The following CAMK2D variants were observed in gnomAD, a reference collection of about 807,000 sequenced individuals.
CAMK2D encodes calcium/calmodulin dependent protein kinase II delta.
In CAMK2D, 37 loss-of-function variants were observed where a neutral mutation model predicts 84.0. That is an observed-to-expected ratio of 0.44 (90% CI 0.34 to 0.58). The LOEUF (loss-of-function observed/expected upper bound fraction) is 0.58. CAMK2D is among the 20% of genes least tolerant of loss of function. The pLI is 0.02. For synonymous variants in CAMK2D, 202 were observed against 212.5 expected (o/e 0.95, Z 0.43); for missense variants, 448 against 652.5 (o/e 0.69, Z 3.41).
At position 113,619,011 on chromosome 4, in the gene CAMK2D, G is replaced by A. The variant is rs565392131; in HGVS notation, c.221-9805C>T. ...GAATGTCAGACATCTCAAACGTGTG[G>A]TGCATTTGCTTGTTTCACTTATCTC... On this transcript the variant is annotated intron_variant, in intron 3 of 20. Transcript: ENST00000511664. 2.0e-5 allele frequency among the ~76,000 whole-genome samples: 3 copies of A among 152,196 alleles called. No homozygotes were observed. The South Asian group carries it at 6.2e-4, about 32-fold the overall frequency.
chr4:113,480,927 A>G (rs897435619), intron 16 of CAMK2D, among the ~76,000 whole-genome samples: 7 of 152,314 alleles, frequency 4.6e-5, no homozygotes, highest in Middle Eastern at 3.4e-3. Flanking sequence ...CCATTTTTAA[A>G]GCAGAGAGCA....
intron 4 of CAMK2D, among the ~76,000 whole-genome samples, chr4:113,561,056 CAG>C (rs2098696185): frequency 6.6e-6 from 1 of 152,018 alleles, no homozygotes; most frequent in East Asian, 1.9e-4. Flanking sequence ...TAGGAAGAAA[CAG>C]GAGTTCAACT....
At chr4:113,603,202 ATTTTATT>A (rs2098960763) in intron 4 of CAMK2D, among the ~76,000 whole-genome samples, 2 of 149,532 alleles carry the variant, frequency 1.3e-5, no homozygotes, top group South Asian at 4.2e-4. Context: ...ACTTTGCGTT[ATTTTATT>A]TTATTTTATT....
intron 2 of CAMK2D, among the ~76,000 whole-genome samples, chr4:113,750,849 T>C (rs2099615510): frequency 1.3e-5 from 2 of 151,960 alleles, no homozygotes; most frequent in East Asian, 3.9e-4. Context: ...GACTCTGTCT[T>C]TAAAAAAAAT....
At chr4:113,637,735 CTG>C (rs1230390566) in intron 3 of CAMK2D, among the ~76,000 whole-genome samples, 6 of 152,102 alleles carry the variant, frequency 3.9e-5, no homozygotes, top group Non-Finnish European at 7.4e-5. Flanking sequence ...AAGATATAAT[CTG>C]AACTTTTTTC....
chr4:113,672,603 A>C (rs1389997909), intron 2 of CAMK2D, among the ~76,000 whole-genome samples: 2 of 152,042 alleles, frequency 1.3e-5, no homozygotes, highest in African/African-American at 4.8e-5. Context: ...GTTATCATTG[A>C]TTGAACTACA....
At position 113,459,507 on chromosome 4, in the gene CAMK2D, G is replaced by A. The variant is rs539014612; in HGVS notation, c.1306+640C>T. 2.6e-5 allele frequency among the ~76,000 whole-genome samples: 4 copies of A among 152,284 alleles called. No homozygotes were observed. The South Asian group carries it at 6.2e-4, about 24-fold the overall frequency. On this transcript the variant is annotated intron_variant, in intron 18 of 20. Transcript: ENST00000511664. ...CCTAAAGTGTTGGGATTACTGGCAT[G>A]AGCCAGCGTGCCTGCCTAATTTTTT...
rs1023097891 is a variant in CAMK2D, at chr4:113,451,812, T to C, written c.*2733A>G. The C allele has an allele frequency of 6.6e-6, 1 of 152,194 alleles. No individual in the cohort carries two copies. Among genetic ancestry groups the C allele is most frequent in the African/African-American group, 2.4e-5 (1 of 41,432 alleles). The allele number at this position is 152,194 out of a possible 1,614,324, so 9.4% of individuals were successfully genotyped here. On this transcript the variant is annotated 3_prime_UTR_variant, in exon 21 of 21. Coordinates refer to ENST00000511664, the MANE Select transcript of CAMK2D (RefSeq NM_001321571.2). The stretch of plus-strand genomic sequence containing the variant: ...CAGGAGAGGTAAATACAATCTATTA[T>C]GTAGGTTTTGAGAGGGAAGGCAAGC...
chr4:113,624,593 T>G (rs895792273), intron 3 of CAMK2D, among the ~76,000 whole-genome samples: 1 of 152,166 alleles, frequency 6.6e-6, no homozygotes, highest in Non-Finnish European at 1.5e-5. Flanking sequence ...ACGTGAGCAG[T>G]AAACACAGTA....
chr4:113,623,513 A>G (rs1490514484), intron 3 of CAMK2D, among the ~76,000 whole-genome samples: 1 of 152,092 alleles, frequency 6.6e-6, no homozygotes. Flanking sequence ...ACTTATACAG[A>G]CCTAGATGGT....
At chr4:113,576,119 TC>T (rs1169600863) in intron 4 of CAMK2D, among the ~76,000 whole-genome samples, 3 of 152,098 alleles carry the variant, frequency 2.0e-5, no homozygotes, top group Non-Finnish European at 4.4e-5. Flanking sequence ...CACTGCATCC[TC>T]AAACTCCTTG....
intron 7 of CAMK2D, among the ~76,000 whole-genome samples, chr4:113,532,398 G>A (rs2098464132): frequency 6.6e-6 from 1 of 152,118 alleles, no homozygotes; most frequent in Non-Finnish European, 1.5e-5. Flanking sequence ...AATGGACCCT[G>A]GGTAATCCAT....
At chr4:113,720,282 G>A (rs1443613579) in intron 2 of CAMK2D, among the ~76,000 whole-genome samples, 1 of 151,762 alleles carries the variant, frequency 6.6e-6, no homozygotes, top group African/African-American at 2.4e-5. Context: ...CCAAATTTAA[G>A]TTGCATTTTT....
At chr4:113,629,038 T>A (rs723091) in intron 3 of CAMK2D, among the ~76,000 whole-genome samples, 76,292 of 150,840 alleles carry the variant, frequency 0.51, 22,515 homozygotes, top group African/African-American at 0.79. Flanking sequence ...AGCAGTAAAA[T>A]ATATATATAT....
intron 15 of CAMK2D, among the ~76,000 whole-genome samples, chr4:113,502,481 C>A: frequency 6.8e-6 from 1 of 147,480 alleles, no homozygotes; most frequent in South Asian, 2.1e-4. Context: ...AAACACCACT[C>A]TGACAACAGA....
intron 3 of CAMK2D, among the ~76,000 whole-genome samples, chr4:113,651,174 C>T (rs957434536): frequency 5.9e-5 from 9 of 152,138 alleles, no homozygotes; most frequent in African/African-American, 2.2e-4. Context: ...TCACTGTTTA[C>T]TTTCCTTCAA....
Position 113,513,743 on chromosome 4 carries a change from C to G in CAMK2D, c.903+87G>C, listed in dbSNP as rs565803275. On this transcript the variant is annotated intron_variant, in intron 11 of 20. Transcript: ENST00000511664. ...GTATTGAGGTCTACATAATTGAAAG[C>G]CTTTGCTAGAAGTTATTTTCCTCAC... The G allele has an allele frequency of 1.2e-4, 83 of 664,974 alleles. 1 individual carries two copies. Among genetic ancestry groups the G allele is most frequent in the South Asian group, 6.9e-4 (37 of 53,562 alleles). The allele number at this position is 664,974 out of a possible 1,614,324, so 41.2% of individuals were successfully genotyped here. A position where few individuals can be genotyped will look rare whatever the true frequency, so the allele number is the denominator to read the frequency against.
intron 16 of CAMK2D, among the ~76,000 whole-genome samples, chr4:113,493,462 AT>A (rs1214216025): frequency 6.6e-6 from 1 of 152,074 alleles, no homozygotes; most frequent in Admixed American, 6.5e-5. Flanking sequence ...AGAATGTTGA[AT>A]ATTGGCCCCT....
chr4:113,633,839 CCAT>C (rs1011816698), intron 3 of CAMK2D, among the ~76,000 whole-genome samples: 10 of 152,248 alleles, frequency 6.6e-5, no homozygotes, highest in Middle Eastern at 3.4e-3. Context: ...ACAAGACAAT[CCAT>C]CAGAGGGTTG....
Sources: allele counts gnomAD v4.1 joint callset (sites outside exome capture counted in the v4.1 genomes callset), GRCh38; gene constraint gnomAD v4.1.1; transcripts MANE v1.5; gene names NCBI Gene and HGNC (gene_info 2026-07-23, HGNC 2026-07-21).